MAP2: variants seen among roughly 807,000 people sequenced by gnomAD.
MAP2 encodes microtubule associated protein 2, also known as microtubule-associated protein 2.
Under a neutral mutation model 137.6 loss-of-function variants are expected in MAP2, and 14 were observed. That is an observed-to-expected ratio of 0.10 (90% CI 0.07 to 0.16). The LOEUF (loss-of-function observed/expected upper bound fraction) is 0.16, where lower values mean the gene tolerates loss of function less well. Among genes scored for constraint, MAP2 ranks in the 10% least tolerant of loss-of-function variants. The pLI is 1.00. For synonymous variants in MAP2, 786 were observed against 782.3 expected (o/e 1.00, Z -0.08); for missense variants, 2,088 against 2,191.5 (o/e 0.95, Z 0.94).
At chr2:209,635,981 T>G (rs1490266258) in intron 4 of MAP2, among the ~76,000 whole-genome samples, 1 of 152,156 alleles carries the variant, frequency 6.6e-6, no homozygotes, top group Non-Finnish European at 1.5e-5. Flanking sequence ...GCTGATTCCT[T>G]CTGAGTATCT....
intron 10 of MAP2, among the ~76,000 whole-genome samples, 156 bp from the exon 11 acceptor site, chr2:209,700,121 A>G (rs1380103696): frequency 1.3e-5 from 2 of 152,188 alleles, no homozygotes; most frequent in Non-Finnish European, 2.9e-5. Context: ...ATTGTTATTC[A>G]TGTTACTTGA....
intron 3 of MAP2, among the ~76,000 whole-genome samples, chr2:209,609,775 G>A (rs1422461407): frequency 6.6e-6 from 1 of 152,186 alleles, no homozygotes. Context: ...AGGAAACCCT[G>A]TGGTTATTTA....
intron 11 of MAP2, among the ~76,000 whole-genome samples, chr2:209,700,866 C>T (rs1212891409): frequency 1.3e-5 from 2 of 152,106 alleles, no homozygotes; most frequent in Non-Finnish European, 2.9e-5. Context: ...AATGAGAACA[C>T]TGTGTATCAC....
intron 2 of MAP2, among the ~76,000 whole-genome samples, chr2:209,559,466 T>G (rs1224149210): frequency 2.5e-5 from 3 of 119,652 alleles, no homozygotes; most frequent in Non-Finnish European, 3.2e-5. Flanking sequence ...AAACTCCATC[T>G]CTGCCAAAAA....
intron 4 of MAP2, among the ~76,000 whole-genome samples, chr2:209,650,868 A>T (rs2094743936): frequency 6.6e-6 from 1 of 152,214 alleles, no homozygotes; most frequent in Non-Finnish European, 1.5e-5. Flanking sequence ...TTTACGTGAA[A>T]CTTTTTCTGT....
At chr2:209,436,030 A>ATACAT (rs1553537349) in intron 1 of MAP2, among the ~76,000 whole-genome samples, 1 of 137,330 alleles carries the variant, frequency 7.3e-6, no homozygotes, top group Non-Finnish European at 1.6e-5. Context: ...TATAAAATAT[A>ATACAT]TATATATGTA....
intron 7 of MAP2, among the ~76,000 whole-genome samples, chr2:209,682,664 C>A (rs1359827887): frequency 1.3e-5 from 2 of 151,806 alleles, no homozygotes; most frequent in Non-Finnish European, 2.9e-5. Flanking sequence ...GTAGCTGAGA[C>A]CAGAAGCATG....
chr2:209,574,006 T>A (rs890618457), intron 2 of MAP2, among the ~76,000 whole-genome samples: 20 of 152,254 alleles, frequency 1.3e-4, no homozygotes, highest in South Asian at 6.2e-4. Flanking sequence ...CCACATTTTT[T>A]AAAAGTTTTA....
Position 209,695,189 on chromosome 2 carries a change from C to T in MAP2, c.3019C>T (p.Pro1007Ser). 1 of 1,614,082 alleles carries T rather than the reference C, an allele frequency of 6.2e-7. No homozygotes were observed. The highest frequency in any genetic ancestry group is 2.2e-5 in the East Asian group (1 of 44,878). Residue 1007 changes from proline to serine, a missense_variant, in exon 8 of 16, where the codon CCA becomes TCA. By Grantham distance (74) the Pro-to-Ser change is moderately conservative. Transcript: ENST00000682079. The part of the protein sequence containing the change: ...EQALAKDLSI[P>S]TDASSEKAEK... ...AGCTTTGGCCAAAGATTTGTCAATA[C>T]CAACAGATGCATCCTCTGAGAAAGC... is the stretch of plus-strand genomic sequence containing the variant.
chr2:209,575,414 G>A (rs1162068855), intron 2 of MAP2, among the ~76,000 whole-genome samples: 2 of 150,868 alleles, frequency 1.3e-5, no homozygotes, highest in Non-Finnish European at 3.0e-5. Context: ...CCAGCTACTC[G>A]GGAGGCTGAG....
chr2:209,521,249 C>T (rs1305409505), intron 2 of MAP2, among the ~76,000 whole-genome samples: 1 of 152,138 alleles, frequency 6.6e-6, no homozygotes, highest in East Asian at 1.9e-4. Flanking sequence ...TGGCAGCAGC[C>T]TTCTACGTAC....
At chr2:209,450,193 C>T (rs111627824) in intron 1 of MAP2, among the ~76,000 whole-genome samples, 14,413 of 152,174 alleles carry the variant, frequency 0.095, 1,467 homozygotes, top group African/African-American at 0.26. Context: ...CCACCTGCCT[C>T]GGCCTCCCAA....
In MAP2 at chr2:209,696,197, C is replaced by T. The variant is rs775158489; in HGVS notation, c.4027C>T (p.Pro1343Ser). Residue 1343 changes from proline (P) to serine (S), a missense_variant, in exon 8 of 16, where the codon CCC (proline) becomes TCC (serine). Pro to Ser is a moderately conservative substitution (Grantham distance 74, BLOSUM62 -1). Transcript: ENST00000682079. ...AGAGGCAGCTGAAGCCCAGGCAGAA[C>T]CCAAAGATGGTTCCCCAGAGGCTCC... is the stretch of plus-strand genomic sequence containing the variant. Reference protein sequence around the residue: ...VEEAAEAQAEPKDGSPEAPAS... With the variant: ...VEEAAEAQAESKDGSPEAPAS... 1.2e-6 allele frequency: 2 copies of T among 1,613,642 alleles called. No individual in the cohort carries two copies. Among genetic ancestry groups the T allele is most frequent in the South Asian group, 1.1e-5 (1 of 91,008 alleles).
intron 5 of MAP2, among the ~76,000 whole-genome samples, chr2:209,658,060 A>G (rs748649245): frequency 6.6e-5 from 10 of 152,214 alleles, no homozygotes; most frequent in Non-Finnish European, 8.8e-5. Flanking sequence ...AGCTCTGAAG[A>G]TAACTGGGAG....
chr2:209,699,532 A>T (rs550045779), intron 10 of MAP2, among the ~76,000 whole-genome samples: 1 of 152,316 alleles, frequency 6.6e-6, no homozygotes, highest in South Asian at 2.1e-4. Flanking sequence ...GCTAGAGATA[A>T]TGGAGTTTAA....
intron 1 of MAP2, among the ~76,000 whole-genome samples, chr2:209,465,311 A>T (rs1703844334): frequency 6.6e-6 from 1 of 152,182 alleles, no homozygotes; most frequent in African/African-American, 2.4e-5. Context: ...GTCAAGGCAC[A>T]TTCAAAATAG....
intron 5 of MAP2, among the ~76,000 whole-genome samples, chr2:209,654,191 T>C (rs2094987403): frequency 6.6e-6 from 1 of 152,236 alleles, no homozygotes; most frequent in African/African-American, 2.4e-5. Context: ...ACAGTGATAA[T>C]ATCTGTCAAA....
intron 3 of MAP2, among the ~76,000 whole-genome samples, chr2:209,593,407 C>G (rs538997722): frequency 6.8e-6 from 1 of 147,926 alleles, no homozygotes; most frequent in Admixed American, 6.8e-5. Context: ...GTTGTAAGTT[C>G]CTTTGCAGTT....
chr2:209,532,951 G>C (rs749175837), intron 2 of MAP2, among the ~76,000 whole-genome samples: 5 of 151,962 alleles, frequency 3.3e-5, no homozygotes, highest in Admixed American at 1.3e-4. Flanking sequence ...ACTCCTCCCT[G>C]CTCCCCTGAC....
Sources: allele counts gnomAD v4.1 joint callset (sites outside exome capture counted in the v4.1 genomes callset), GRCh38; gene constraint gnomAD v4.1.1; transcripts MANE v1.5; gene names NCBI Gene and HGNC (gene_info 2026-07-23, HGNC 2026-07-21).